Variants in AKT1 observed in about 807,000 individuals in gnomAD.
AKT1 encodes the protein RAC-alpha serine/threonine-protein kinase.
A neutral mutation model predicts 63.1 loss-of-function variants in AKT1; 21 were observed. The ratio of observed to expected loss-of-function variants is 0.33; its 90% CI spans 0.24 to 0.48. AKT1 has a LOEUF of 0.48. Among genes scored for constraint, AKT1 ranks in the 20% least tolerant of loss-of-function variants. The pLI is 0.99. For synonymous variants in AKT1, 257 were observed against 253.1 expected (o/e 1.02, Z -0.15); for missense variants, 382 against 666.0 (o/e 0.57, Z 4.69).
intron 3 of AKT1, among the ~76,000 whole-genome samples, chr14:104,784,089 G>A (rs567386077): frequency 5.9e-5 from 9 of 152,092 alleles, no homozygotes; most frequent in East Asian, 5.8e-4. Flanking sequence ...CCTCGGCAGC[G>A]GGGAAGCAGC....
At chr14:104,775,050 A>ACCCTGCC (rs1244638659) in intron 7 of AKT1, 26 bp downstream of exon 7, 1 of 1,609,178 alleles carries the variant, frequency 6.2e-7, no homozygotes, top group Non-Finnish European at 8.5e-7. Context: ...CCTCATCTCC[A>ACCCTGCC]CCCTGCCCCA....
chr14:104,775,533 G>C, intron 6 of AKT1, 119 bp downstream of exon 6: 1 of 1,400,870 alleles, frequency 7.1e-7, no homozygotes, highest in Non-Finnish European at 9.6e-7. Flanking sequence ...AACCGGCCTA[G>C]GTGGAGATGC....
chr14:104,791,518 C>T (rs1188127026), intron 3 of AKT1, among the ~76,000 whole-genome samples: 3 of 152,200 alleles, frequency 2.0e-5, no homozygotes, highest in African/African-American at 4.8e-5. Context: ...AACACACAGC[C>T]AGCCACACCC....
chr14:104,781,079 A>G (rs1024804361), intron 3 of AKT1, among the ~76,000 whole-genome samples: 1 of 152,268 alleles, frequency 6.6e-6, no homozygotes, highest in Non-Finnish European at 1.5e-5. Context: ...TTCACACTTC[A>G]GAATCAGAGC....
At chr14:104,785,004 G>A (rs1893258618) in intron 3 of AKT1, among the ~76,000 whole-genome samples, 1 of 152,214 alleles carries the variant, frequency 6.6e-6, no homozygotes, top group Non-Finnish European at 1.5e-5. Context: ...GCGGCTGGCA[G>A]GGTGCCAGGC....
At chr14:104,789,889 G>A (rs796989661) in intron 3 of AKT1, among the ~76,000 whole-genome samples, 10 of 152,302 alleles carry the variant, frequency 6.6e-5, no homozygotes, top group African/African-American at 1.9e-4. Flanking sequence ...GCCTGCAGCC[G>A]GAACTCCTGT....
intron 3 of AKT1, 127 bp from the exon 4 acceptor site, chr14:104,780,343 C>T (rs1487780894): frequency 2.0e-5 from 26 of 1,329,988 alleles, no homozygotes; most frequent in South Asian, 1.0e-4. Context: ...GGGGCAGGCG[C>T]GGTACGGGAG....
At chr14:104,793,872 G>GCCTTCCTGA in intron 1 of AKT1, 1 of 152,262 alleles carries the variant, frequency 6.6e-6, no homozygotes, top group Non-Finnish European at 1.5e-5. Flanking sequence ...GAGGGGAGGA[G>GCCTTCCTGA]GGTCCTCTCT....
chr14:104,783,417 C>T (rs999942455), intron 3 of AKT1, among the ~76,000 whole-genome samples: 12 of 152,052 alleles, frequency 7.9e-5, no homozygotes, highest in Non-Finnish European at 1.0e-4. Context: ...GTAGGGACCT[C>T]GTCCTCCACA....
intron 3 of AKT1, among the ~76,000 whole-genome samples, chr14:104,783,427 A>T (rs1332527631): frequency 1.3e-5 from 2 of 151,604 alleles, no homozygotes; most frequent in African/African-American, 4.9e-5. Flanking sequence ...CGTCCTCCAC[A>T]CCGACCATGG....
chr14:104,776,913 C>A lies in AKT1; in HGVS notation c.176-143G>T, dbSNP rs1892748719. On this transcript the variant is annotated intron_variant, in intron 4 of 14. Coordinates refer to ENST00000649815, the MANE Select transcript of AKT1 (RefSeq NM_001382430.1). ...GCCCCATCTCTTCCTCTCTCCAAGCCTCAGTTTCTCGCCTCACAGAGTGGG... is the reference window on the plus strand; with the variant it reads ...GCCCCATCTCTTCCTCTCTCCAAGCATCAGTTTCTCGCCTCACAGAGTGGG... The A allele has an allele frequency of 1.1e-5, 7 of 645,888 alleles. No homozygotes were observed. The South Asian group carries it at 1.3e-4, about 12-fold the overall frequency. The allele number at this position is 645,888 out of a possible 1,614,324, so 40.0% of individuals were successfully genotyped here.
chr14:104,770,599 C>T, intron 14 of AKT1, 146 bp downstream of exon 14: 1 of 932,662 alleles, frequency 1.1e-6, no homozygotes, highest in Non-Finnish European at 1.6e-6. Flanking sequence ...GCACTGCCTC[C>T]CACCCTGATC....
At chr14:104,779,209 C>G (rs1445204160) in intron 4 of AKT1, among the ~76,000 whole-genome samples, 2 of 152,220 alleles carry the variant, frequency 1.3e-5, no homozygotes, top group Non-Finnish European at 1.5e-5. Flanking sequence ...CAGGGCGGAG[C>G]AGGGAGCGTC....
intron 7 of AKT1, 33 bp from the exon 8 acceptor site, chr14:104,775,036 G>T (rs377316134): frequency 6.2e-7 from 1 of 1,612,768 alleles, no homozygotes; most frequent in Non-Finnish European, 8.5e-7. Flanking sequence ...CTGCCACCCC[G>T]CACCCTCATC....
chr14:104,773,450 C>T lies in AKT1; in HGVS notation c.828+5G>A, dbSNP rs1199214347. 12 of 1,613,732 alleles carry T rather than the reference C, an allele frequency of 7.4e-6. No homozygotes were observed. In the South Asian group the frequency reaches 8.8e-5, roughly 12 times the overall value. On this transcript the variant is annotated splice_donor_5th_base_variant and intron_variant, in intron 10 of 14. Transcript: ENST00000649815. ...CCCTGCCCCCCTGCCTGCCCGCCAG[C>T]GCACCTTGAGGTCCCGGTACACCAC...
intron 3 of AKT1, among the ~76,000 whole-genome samples, chr14:104,788,992 C>G (rs1057483590): frequency 6.6e-6 from 1 of 152,214 alleles, no homozygotes; most frequent in African/African-American, 2.4e-5. Context: ...ACACGCTGCC[C>G]ACACACTCAG....
At chr14:104,775,623 G>A in intron 6 of AKT1, 29 bp downstream of exon 6, 1 of 1,611,276 alleles carries the variant, frequency 6.2e-7, no homozygotes, top group Non-Finnish European at 8.5e-7. Context: ...GCAGCCCCAG[G>A]CACAGGCAGA....
intron 3 of AKT1, among the ~76,000 whole-genome samples, chr14:104,784,898 CT>C (rs927240568): frequency 1.3e-5 from 2 of 152,336 alleles, no homozygotes; most frequent in Admixed American, 6.5e-5. Flanking sequence ...GTCAGCCCCC[CT>C]AGGCCACCAC....
chr14:104,773,868 G>A (rs2140909480), intron 9 of AKT1, 44 bp downstream of exon 9: 1 of 1,554,214 alleles, frequency 6.4e-7, no homozygotes, highest in Admixed American at 1.8e-5. Context: ...ACCATGGGCG[G>A]CCCACAGGCC....
Sources: allele counts gnomAD v4.1 joint callset (sites outside exome capture counted in the v4.1 genomes callset), GRCh38; gene constraint gnomAD v4.1.1; transcripts MANE v1.5; gene names NCBI Gene and HGNC (gene_info 2026-07-23, HGNC 2026-07-21).